The following SLC9A9 variants were observed in gnomAD, a reference collection of about 807,000 sequenced individuals.
The protein encoded by SLC9A9 is solute carrier family 9 member A9.
Under a neutral mutation model 77.8 loss-of-function variants are expected in SLC9A9, and 62 were observed. That is an observed-to-expected ratio of 0.80 (90% confidence interval 0.65 to 0.98). SLC9A9 has a LOEUF of 0.98. Among genes scored for constraint, SLC9A9 ranks in the 50% least tolerant of loss-of-function variants. SLC9A9 has a pLI of 0.00. For synonymous variants in SLC9A9, 320 were observed against 283.5 expected, an observed-to-expected ratio of 1.13 and a Z score of -1.29; for missense variants, 775 against 774.9, an observed-to-expected ratio of 1.00 and a Z score of 0.00.
intron 6 of SLC9A9, among the ~76,000 whole-genome samples, chr3:143,585,575 C>A (rs2108672732): frequency 1.3e-5 from 2 of 152,320 alleles, no homozygotes; most frequent in South Asian, 4.1e-4. Context: ...TTAGGACTTC[C>A]TGAGATTGTG....
intron 2 of SLC9A9, among the ~76,000 whole-genome samples, chr3:143,811,113 T>C (rs1230699592): frequency 6.6e-6 from 1 of 152,152 alleles, no homozygotes; most frequent in Non-Finnish European, 1.5e-5. Flanking sequence ...ACCGGTAGCT[T>C]CCTGGGGTTT....
intron 4 of SLC9A9, among the ~76,000 whole-genome samples, chr3:143,707,281 T>C (rs912268249): frequency 2.0e-5 from 3 of 152,028 alleles, no homozygotes; most frequent in African/African-American, 7.3e-5. Context: ...AATAAAAATA[T>C]ATAGGGAGGG....
chr3:143,298,445 G>A (rs2030375537), intron 14 of SLC9A9, among the ~76,000 whole-genome samples: 1 of 152,196 alleles, frequency 6.6e-6, no homozygotes, highest in Non-Finnish European at 1.5e-5. Context: ...GGGAGGATGT[G>A]GCTCACTAGT....
chr3:143,307,874 A>G (rs1407970163), intron 14 of SLC9A9, among the ~76,000 whole-genome samples: 1 of 152,190 alleles, frequency 6.6e-6, no homozygotes, highest in Non-Finnish European at 1.5e-5. Context: ...GCAGTAGGCT[A>G]ACCAAATCAA....
At chr3:143,419,836 C>T (rs754624775) in intron 12 of SLC9A9, among the ~76,000 whole-genome samples, 1 of 152,150 alleles carries the variant, frequency 6.6e-6, no homozygotes, top group Non-Finnish European at 1.5e-5. Context: ...ATTTCAGCCT[C>T]TGTGGGAGTC....
chr3:143,392,483 C>T (rs1559895534), intron 12 of SLC9A9, among the ~76,000 whole-genome samples: 1 of 152,202 alleles, frequency 6.6e-6, no homozygotes, highest in Admixed American at 6.5e-5. Flanking sequence ...CTGGTACCAG[C>T]CACTGCAAAA....
chr3:143,370,585 A>ACACACG (rs1171379275), intron 13 of SLC9A9, among the ~76,000 whole-genome samples: 3 of 151,826 alleles, frequency 2.0e-5, no homozygotes, highest in Non-Finnish European at 4.4e-5. Context: ...ACACACACAC[A>ACACACG]CACACACACA....
At chr3:143,350,599 A>C (rs1454543880) in intron 14 of SLC9A9, among the ~76,000 whole-genome samples, 1 of 152,222 alleles carries the variant, frequency 6.6e-6, no homozygotes, top group Non-Finnish European at 1.5e-5. Flanking sequence ...CTGGAAAAAG[A>C]AAACACGTCT....
chr3:143,349,772 TAAGTG>T (rs1213927800), intron 14 of SLC9A9, among the ~76,000 whole-genome samples: 2 of 152,206 alleles, frequency 1.3e-5, no homozygotes, highest in African/African-American at 4.8e-5. Flanking sequence ...GCGGTTAACT[TAAGTG>T]AAGTCTACAG....
intron 4 of SLC9A9, among the ~76,000 whole-genome samples, chr3:143,769,087 C>T (rs1230045138): frequency 6.6e-6 from 1 of 152,006 alleles, no homozygotes; most frequent in Non-Finnish European, 1.5e-5. Context: ...ATAGCATTAT[C>T]AGGATTAAAG....
chr3:143,497,036 T>C (rs2035847509), intron 9 of SLC9A9, among the ~76,000 whole-genome samples: 1 of 152,230 alleles, frequency 6.6e-6, no homozygotes, highest in African/African-American at 2.4e-5. Flanking sequence ...CTAAGGGTTC[T>C]ATTATCATGA....
chr3:143,450,707 C>A (rs1002096326), intron 12 of SLC9A9, among the ~76,000 whole-genome samples: 1 of 152,112 alleles, frequency 6.6e-6, no homozygotes, highest in Non-Finnish European at 1.5e-5. Flanking sequence ...ATTGAATAGA[C>A]CCATGGTGAC....
chr3:143,399,948 G>T (rs971320896), intron 12 of SLC9A9, among the ~76,000 whole-genome samples: 1 of 152,076 alleles, frequency 6.6e-6, no homozygotes, highest in African/African-American at 2.4e-5. Flanking sequence ...TGAAAAATTT[G>T]TTACACTCAT....
At chr3:143,727,633 T>C (rs1934689615) in intron 4 of SLC9A9, among the ~76,000 whole-genome samples, 1 of 151,682 alleles carries the variant, frequency 6.6e-6, no homozygotes, top group South Asian at 2.1e-4. Context: ...CAAAGTTTTA[T>C]GGCTGGCAGA....
intron 12 of SLC9A9, among the ~76,000 whole-genome samples, chr3:143,432,581 A>T (rs568647628): frequency 5.3e-5 from 8 of 152,058 alleles, no homozygotes; most frequent in Non-Finnish European, 1.0e-4. Context: ...TGGAATCAGT[A>T]TTTGAAGGGC....
intron 12 of SLC9A9, among the ~76,000 whole-genome samples, chr3:143,406,933 G>A (rs1440628948): frequency 6.9e-6 from 1 of 145,944 alleles, no homozygotes; most frequent in Non-Finnish European, 1.5e-5. Flanking sequence ...CCAAGGTTGT[G>A]CCACTGCACT....
intron 14 of SLC9A9, among the ~76,000 whole-genome samples, chr3:143,313,951 C>G (rs1219484377): frequency 6.6e-6 from 1 of 152,170 alleles, no homozygotes; most frequent in Non-Finnish European, 1.5e-5. Flanking sequence ...GCTGCCCATG[C>G]CCCCCATAGC....
At chr3:143,370,734 T>C (rs1179480031) in intron 13 of SLC9A9, among the ~76,000 whole-genome samples, 2 of 152,070 alleles carry the variant, frequency 1.3e-5, no homozygotes, top group Non-Finnish European at 2.9e-5. Context: ...GTATTTTGTA[T>C]GTGTCTAAAA....
chr3:143,420,491 C>T (rs564211550), intron 12 of SLC9A9, among the ~76,000 whole-genome samples: 17 of 152,258 alleles, frequency 1.1e-4, no homozygotes, highest in South Asian at 4.2e-4. Flanking sequence ...CTTCAATATG[C>T]GACTTATACA....
Sources: allele counts gnomAD v4.1 joint callset (sites outside exome capture counted in the v4.1 genomes callset), GRCh38; gene constraint gnomAD v4.1.1; transcripts MANE v1.5; gene names NCBI Gene and HGNC (gene_info 2026-07-23, HGNC 2026-07-21).